GRM8: variants seen among roughly 807,000 people sequenced by gnomAD.
GRM8 encodes the protein glutamate metabotropic receptor 8, also known as metabotropic glutamate receptor 8.
In GRM8, 47 loss-of-function variants were observed where a neutral mutation model predicts 87.2. The observed-to-expected ratio is 0.54, with a 90% CI of 0.43 to 0.69. The LOEUF (loss-of-function observed/expected upper bound fraction) is 0.69. GRM8 is among the 30% of genes least tolerant of loss of function. GRM8 has a pLI of 0.00. For missense variants in GRM8, 1,019 were observed against 1,139.2 expected (o/e 0.89, Z 1.52); for synonymous variants, 396 against 404.5 (o/e 0.98, Z 0.25).
chr7:127,169,863 T>TGAGACCTACTGCTCA, intron 2 of GRM8, among the ~76,000 whole-genome samples: 1 of 152,328 alleles, frequency 6.6e-6, no homozygotes, highest in Non-Finnish European at 1.5e-5. Context: ...AGCCCACTGT[T>TGAGACCTACTGCTCA]GAGACCTACT....
At chr7:126,911,038 T>C (rs1338136571) in intron 3 of GRM8, among the ~76,000 whole-genome samples, 1 of 152,228 alleles carries the variant, frequency 6.6e-6, no homozygotes, top group Non-Finnish European at 1.5e-5. Flanking sequence ...TAGCATATTA[T>C]TATTAGTGTT....
chr7:127,007,952 T>C (rs970722010), intron 3 of GRM8, among the ~76,000 whole-genome samples: 1 of 151,954 alleles, frequency 6.6e-6, no homozygotes, highest in Admixed American at 6.6e-5. Context: ...AAAGAGTCAA[T>C]TTACCAGATC....
At chr7:127,041,729 T>A (rs1490352459) in intron 3 of GRM8, among the ~76,000 whole-genome samples, 1 of 152,166 alleles carries the variant, frequency 6.6e-6, no homozygotes. Context: ...ACAATGAGAG[T>A]GTTCTGTTTT....
At chr7:126,617,963 T>C (rs571359509) in intron 7 of GRM8, among the ~76,000 whole-genome samples, 1,859 of 152,276 alleles carry the variant, frequency 0.012, 39 homozygotes, top group African/African-American at 0.042. Flanking sequence ...AGGTAATTTA[T>C]AGATTCAATG....
chr7:126,903,777 A>G (rs2518947), intron 5 of GRM8, among the ~76,000 whole-genome samples, 195 bp downstream of exon 5: 2,943 of 70,664 alleles, frequency 0.042, 121 homozygotes, highest in East Asian at 0.069. Flanking sequence ...GTGTGTGTGT[A>G]TATATATATA....
At chr7:126,908,649 G>C (rs1449138260) in intron 3 of GRM8, among the ~76,000 whole-genome samples, 2 of 152,178 alleles carry the variant, frequency 1.3e-5, no homozygotes, top group Non-Finnish European at 2.9e-5. Flanking sequence ...TGAATTCATT[G>C]ATTTATTTAT....
At chr7:127,038,345 CGA>C (rs556008653) in intron 3 of GRM8, among the ~76,000 whole-genome samples, 66 of 151,964 alleles carry the variant, frequency 4.3e-4, no homozygotes, top group African/African-American at 1.6e-3. Context: ...TAGAAAAATA[CGA>C]GAGGAGAGGA....
chr7:126,676,117 A>G (rs902562005), intron 7 of GRM8, among the ~76,000 whole-genome samples: 11 of 152,282 alleles, frequency 7.2e-5, no homozygotes, highest in African/African-American at 2.6e-4. Context: ...ACAAATCAAG[A>G]ACCCAATCCC....
At chr7:126,792,534 T>C (rs1821466168) in intron 6 of GRM8, among the ~76,000 whole-genome samples, 1 of 152,216 alleles carries the variant, frequency 6.6e-6, no homozygotes, top group Admixed American at 6.5e-5. Flanking sequence ...TAGGTACTGT[T>C]ACTCTAAATT....
chr7:127,130,628 G>T (rs1393294361), intron 2 of GRM8, among the ~76,000 whole-genome samples: 1 of 152,128 alleles, frequency 6.6e-6, no homozygotes, highest in African/African-American at 2.4e-5. Flanking sequence ...TGGGATGATT[G>T]GTTTTGAAAT....
At chr7:126,755,379 C>T (rs1031347115) in intron 7 of GRM8, among the ~76,000 whole-genome samples, 1 of 151,910 alleles carries the variant, frequency 6.6e-6, no homozygotes, top group African/African-American at 2.4e-5. Flanking sequence ...TATTTAAATA[C>T]TACCTGGAAA....
intron 7 of GRM8, among the ~76,000 whole-genome samples, chr7:126,757,625 CTG>C (rs1394178296): frequency 1.3e-5 from 2 of 152,138 alleles, no homozygotes; most frequent in African/African-American, 2.4e-5. Context: ...CCACTTATCT[CTG>C]TTCTGTGAGC....
intron 2 of GRM8, among the ~76,000 whole-genome samples, chr7:127,206,479 A>C (rs1399684895): frequency 6.6e-6 from 1 of 152,184 alleles, no homozygotes; most frequent in African/African-American, 2.4e-5. Context: ...TTGCTAAATA[A>C]ACTTTGATAA....
intron 9 of GRM8, among the ~76,000 whole-genome samples, chr7:126,532,109 T>A (rs1814914162): frequency 6.6e-6 from 1 of 152,222 alleles, no homozygotes; most frequent in Admixed American, 6.5e-5. Flanking sequence ...TGCTTTTCTG[T>A]ACATAGAACT....
chr7:126,544,629 G>T (rs1816930949), intron 8 of GRM8, among the ~76,000 whole-genome samples: 1 of 152,048 alleles, frequency 6.6e-6, no homozygotes, highest in Non-Finnish European at 1.5e-5. Flanking sequence ...TCCTGCCTCA[G>T]CCTCCCGAGT....
chr7:126,922,420 T>TAA (rs35463688), intron 3 of GRM8, among the ~76,000 whole-genome samples: 13 of 148,222 alleles, frequency 8.8e-5, no homozygotes, highest in South Asian at 6.4e-4. Flanking sequence ...AAATGAAAGC[T>TAA]AAAAAAAAAA....
chr7:127,134,771 C>T (rs908876774), intron 2 of GRM8, among the ~76,000 whole-genome samples: 9 of 152,034 alleles, frequency 5.9e-5, no homozygotes, highest in African/African-American at 2.2e-4. Context: ...AAAATGTAGG[C>T]AAGACATACA....
chr7:127,063,577 A>G (rs1820829131), intron 3 of GRM8, among the ~76,000 whole-genome samples: 1 of 152,314 alleles, frequency 6.6e-6, no homozygotes. Flanking sequence ...CTCTGTCTCA[A>G]AAACAAACAA....
intron 8 of GRM8, among the ~76,000 whole-genome samples, chr7:126,602,307 G>C (rs369279591): frequency 1.4e-5 from 2 of 145,974 alleles, no homozygotes; most frequent in African/African-American, 4.9e-5. Flanking sequence ...TGTTTTGGTA[G>C]CAGTACCATG....
Sources: allele counts gnomAD v4.1 joint callset (sites outside exome capture counted in the v4.1 genomes callset), GRCh38; gene constraint gnomAD v4.1.1; transcripts MANE v1.5; gene names NCBI Gene and HGNC (gene_info 2026-07-23, HGNC 2026-07-21).